CPNE4: variants seen among roughly 807,000 people sequenced by gnomAD.
CPNE4 encodes copine 4.
A neutral mutation model predicts 67.9 loss-of-function variants in CPNE4; 25 were observed. The ratio of observed to expected loss-of-function variants is 0.37; its 90% CI spans 0.27 to 0.51. The LOEUF is 0.51. Among genes scored for constraint, CPNE4 ranks in the 20% least tolerant of loss-of-function variants. CPNE4 has a pLI of 0.93. For synonymous variants in CPNE4, 242 were observed against 244.9 expected, an observed-to-expected ratio of 0.99 and a Z score of 0.11; for missense variants, 464 against 690.8, an observed-to-expected ratio of 0.67 and a Z score of 3.68.
intron 1 of CPNE4, among the ~76,000 whole-genome samples, chr3:132,000,053 C>CA (rs10566178): frequency 5.4e-5 from 8 of 148,860 alleles, no homozygotes; most frequent in Admixed American, 3.4e-4. Context: ...AGGAAATAGG[C>CA]AAAAAAAAAA....
chr3:131,797,038 T>C (rs1003835284), intron 2 of CPNE4, among the ~76,000 whole-genome samples: 4 of 152,208 alleles, frequency 2.6e-5, no homozygotes, highest in Non-Finnish European at 2.9e-5. Context: ...ATGTCTTCAC[T>C]TCAGCTTTAC....
chr3:131,781,482 G>A (rs1266152149), intron 2 of CPNE4, among the ~76,000 whole-genome samples: 2 of 152,072 alleles, frequency 1.3e-5, no homozygotes, highest in Non-Finnish European at 1.5e-5. Flanking sequence ...CAATAAATAT[G>A]TGAAGGCCAT....
At chr3:131,866,468 G>A (rs1308257815) in intron 2 of CPNE4, among the ~76,000 whole-genome samples, 1 of 152,156 alleles carries the variant, frequency 6.6e-6, no homozygotes, top group Non-Finnish European at 1.5e-5. Flanking sequence ...TGACATCTAT[G>A]GGAAGCCAAA....
At chr3:131,957,853 G>C (rs2072022316) in intron 1 of CPNE4, among the ~76,000 whole-genome samples, 1 of 152,186 alleles carries the variant, frequency 6.6e-6, no homozygotes, top group Non-Finnish European at 1.5e-5. Context: ...AATTAAAGTT[G>C]AGGCAAAACC....
chr3:131,661,501 G>T (rs1044229733), intron 7 of CPNE4, among the ~76,000 whole-genome samples: 2 of 152,120 alleles, frequency 1.3e-5, no homozygotes, highest in Non-Finnish European at 2.9e-5. Context: ...ATTGATTTCC[G>T]ATTTCAGTAG....
intron 1 of CPNE4, among the ~76,000 whole-genome samples, chr3:131,934,455 A>G (rs922381280): frequency 2.0e-5 from 3 of 152,180 alleles, no homozygotes; most frequent in African/African-American, 7.2e-5. Flanking sequence ...TGATACATGT[A>G]CAGAACATGC....
chr3:131,859,539 G>A (rs1238548456), intron 2 of CPNE4, among the ~76,000 whole-genome samples: 1 of 152,142 alleles, frequency 6.6e-6, no homozygotes, highest in Non-Finnish European at 1.5e-5. Flanking sequence ...TGGTGAGTCA[G>A]AGAGGGCTAA....
chr3:131,885,534 A>T (rs1303391669), intron 2 of CPNE4, among the ~76,000 whole-genome samples: 1 of 151,346 alleles, frequency 6.6e-6, no homozygotes, highest in Admixed American at 6.6e-5. Flanking sequence ...AATTTTTTTT[A>T]ATTTTTTTAT....
chr3:131,984,645 C>G (rs146104845), intron 1 of CPNE4, among the ~76,000 whole-genome samples: 193 of 152,334 alleles, frequency 1.3e-3, no homozygotes, highest in African/African-American at 4.5e-3. Context: ...GGCCCATCTT[C>G]CAACTGTATC....
At chr3:131,905,587 C>A in intron 1 of CPNE4, 143 bp from the exon 2 acceptor site, 1 of 700,554 alleles carries the variant, frequency 1.4e-6, no homozygotes, top group Non-Finnish European at 2.3e-6. Flanking sequence ...CTTTCCAACC[C>A]AGTGACACAG....
chr3:131,906,475 G>A (rs1189613476), intron 1 of CPNE4, among the ~76,000 whole-genome samples: 2 of 138,254 alleles, frequency 1.4e-5, no homozygotes, highest in African/African-American at 5.4e-5. Context: ...TCATTGTTCA[G>A]TTCCCACCTG....
Position 131,552,073 on chromosome 3 carries a change from A to G in CPNE4, c.1168+367T>C, listed in dbSNP as rs965446975. On this transcript the variant is annotated intron_variant, in intron 13 of 15. Coordinates refer to ENST00000429747, the MANE Select transcript of CPNE4 (RefSeq NM_130808.3). ...ACAGAGATGAAGTTGTGAAAAAAAAAAAAAAAAAACACTTGATGAAAATTT... is the reference window on the plus strand; with the variant it reads ...ACAGAGATGAAGTTGTGAAAAAAAAGAAAAAAAAACACTTGATGAAAATTT... Among the ~76,000 whole-genome samples, 303 of 152,004 alleles carry G rather than the reference A, an allele frequency of 2.0e-3. 2 individuals carry two copies. In the South Asian group the frequency reaches 0.022, roughly 11 times the overall value.
intron 1 of CPNE4, among the ~76,000 whole-genome samples, chr3:132,028,121 A>G (rs1483148791): frequency 6.6e-6 from 1 of 152,324 alleles, no homozygotes; most frequent in Non-Finnish European, 1.5e-5. Context: ...TAGAATCTCT[A>G]TTAGCGCTGT....
At chr3:131,804,461 T>C (rs1264096172) in intron 2 of CPNE4, among the ~76,000 whole-genome samples, 2 of 152,190 alleles carry the variant, frequency 1.3e-5, no homozygotes, top group African/African-American at 4.8e-5. Flanking sequence ...CTGTTTTTAC[T>C]TCATATCAGA....
At chr3:131,668,078 T>C (rs1377433969) in intron 7 of CPNE4, among the ~76,000 whole-genome samples, 3 of 152,164 alleles carry the variant, frequency 2.0e-5, no homozygotes, top group Non-Finnish European at 4.4e-5. Flanking sequence ...GGTTGAGGCT[T>C]GAAATATCTC....
chr3:131,999,607 G>A (rs1373442648), intron 1 of CPNE4, among the ~76,000 whole-genome samples: 4 of 152,030 alleles, frequency 2.6e-5, no homozygotes, highest in Non-Finnish European at 5.9e-5. Context: ...TCTGCAATTT[G>A]CTTTGAAATG....
At position 131,951,714 on chromosome 3, in the gene CPNE4, C is replaced by G. The variant is rs573813199; in HGVS notation, c.-1-46270G>C. On this transcript the variant is annotated intron_variant, in intron 1 of 15. Coordinates refer to ENST00000429747, the MANE Select transcript of CPNE4 (RefSeq NM_130808.3). Reference sequence around the variant, plus strand: ...AGTGCCTGCGACTGCAAGCGCGTGCCGCCACGCCTGACTGGTTTTCGTATT... The same window carrying G: ...AGTGCCTGCGACTGCAAGCGCGTGCGGCCACGCCTGACTGGTTTTCGTATT... 3.0e-4 allele frequency among the ~76,000 whole-genome samples: 45 copies of G among 152,320 alleles called. No homozygotes were observed. In the East Asian group the frequency reaches 8.3e-3, roughly 28 times the overall value.
intron 15 of CPNE4, among the ~76,000 whole-genome samples, chr3:131,538,655 GT>G (rs1476510263): frequency 1.3e-5 from 2 of 152,210 alleles, no homozygotes; most frequent in East Asian, 3.8e-4. Context: ...GCATATGATA[GT>G]TTGAGTGTGT....
At chr3:131,783,161 C>A (rs9289397) in intron 2 of CPNE4, among the ~76,000 whole-genome samples, 30,837 of 152,042 alleles carry the variant, frequency 0.2, 3,833 homozygotes, top group Middle Eastern at 0.27. Context: ...TTGGAATAAG[C>A]ATTTTGGCTT....
Sources: gnomAD v4.1 joint callset for allele counts (sites outside exome capture counted in the v4.1 genomes callset) on GRCh38, gnomAD v4.1.1 for gene constraint, MANE v1.5 for transcripts, NCBI Gene and HGNC (gene_info 2026-07-23, HGNC 2026-07-21) for gene names.